Variants in STON2 observed in about 807,000 individuals in gnomAD.
STON2 encodes stonin-2.
STON2 carries 29 observed loss-of-function variants against 65.7 expected under a neutral mutation model. That is an observed-to-expected ratio of 0.44 (90% confidence interval 0.33 to 0.60). STON2 has a LOEUF of 0.60. Among genes scored for constraint, STON2 ranks in the 20% least tolerant of loss-of-function variants. STON2 has a pLI of 0.03. For missense variants in STON2, 1,054 were observed against 1,118.1 expected (o/e 0.94, Z 0.82); for synonymous variants, 404 against 414.2 (o/e 0.98, Z 0.30).
chr14:81,367,859 A>T (rs1329917806), intron 4 of STON2, among the ~76,000 whole-genome samples: 1 of 152,210 alleles, frequency 6.6e-6, no homozygotes, highest in African/African-American at 2.4e-5. Context: ...AGCAGATGGA[A>T]GCATTCCCTA....
At position 81,371,190 on chromosome 14, in the gene STON2, G is replaced by A. The variant is rs1898975144; in HGVS notation, c.374-5C>T. The A allele has an allele frequency of 6.2e-7, 1 of 1,613,156 alleles. No homozygotes were observed. The highest frequency in any genetic ancestry group is 8.5e-7 in the Non-Finnish European group (1 of 1,179,762). On this transcript the variant is annotated splice_region_variant and splice_polypyrimidine_tract_variant and intron_variant, in intron 3 of 7. Coordinates refer to ENST00000614646, the MANE Select transcript of STON2 (RefSeq NM_001394390.1). ...AGGGCATGGTCAATGGTAGGGCTGGGGAGAGACCAAAAACCAAAAGCATAC... is the reference window on the plus strand; with the variant it reads ...AGGGCATGGTCAATGGTAGGGCTGGAGAGAGACCAAAAACCAAAAGCATAC...
chr14:81,356,064 G>A (rs1472925611), intron 4 of STON2, among the ~76,000 whole-genome samples: 3 of 152,180 alleles, frequency 2.0e-5, no homozygotes, highest in South Asian at 2.1e-4. Flanking sequence ...AGTGGTGAGA[G>A]AGGGCATTCC....
chr14:81,426,557 A>C (rs1901984261), intron 2 of STON2, among the ~76,000 whole-genome samples: 1 of 151,522 alleles, frequency 6.6e-6, no homozygotes, highest in Non-Finnish European at 1.5e-5. Context: ...ATCTAACAAG[A>C]CTCTCACACT....
intron 5 of STON2, among the ~76,000 whole-genome samples, chr14:81,300,426 T>A (rs947570911): frequency 1.3e-5 from 2 of 151,800 alleles, no homozygotes; most frequent in Admixed American, 1.3e-4. Context: ...AAAGAAAAAA[T>A]ATAAATAAAT....
intron 5 of STON2, among the ~76,000 whole-genome samples, chr14:81,284,958 G>C (rs539736271): frequency 1.3e-5 from 2 of 152,334 alleles, no homozygotes; most frequent in East Asian, 3.9e-4. Context: ...AGGAATTACT[G>C]AATATTGTAA....
intron 5 of STON2, among the ~76,000 whole-genome samples, chr14:81,285,814 G>A (rs1301526215): frequency 6.6e-6 from 1 of 152,000 alleles, no homozygotes; most frequent in Non-Finnish European, 1.5e-5. Context: ...CATGTAATAT[G>A]CCCATGTAAC....
At chr14:81,429,153 A>T (rs1394322002) in intron 1 of STON2, among the ~76,000 whole-genome samples, 1 of 152,250 alleles carries the variant, frequency 6.6e-6, no homozygotes, top group East Asian at 1.9e-4. Context: ...GGGGCATAAT[A>T]TGAGTAGGAG....
In STON2 at chr14:81,263,050, G is replaced by A. The variant is rs1894212848; in HGVS notation, c.*5364C>T. 6.1e-6 allele frequency: 6 copies of A among 985,174 alleles called. No individual in the cohort carries two copies. The highest frequency in any genetic ancestry group is 7.2e-6 in the Non-Finnish European group (6 of 829,862). The allele number at this position is 985,174 out of a possible 1,614,324, so 61.0% of individuals were successfully genotyped here. ...GTAAAGGGTCGTCATGGTTTGAATGGGACTTAGTAGTAAAGTGTGTGAGAC... is the reference window on the plus strand; with the variant it reads ...GTAAAGGGTCGTCATGGTTTGAATGAGACTTAGTAGTAAAGTGTGTGAGAC... On this transcript the variant is annotated 3_prime_UTR_variant, in exon 8 of 8. Transcript: ENST00000614646.
In STON2 at chr14:81,268,429, C is replaced by G. The variant is rs1314834389; in HGVS notation, c.2853G>C (p.Glu951Asp). Reference sequence around the variant, plus strand: ...CAAGGCTTTGTCACTGCACTCCACACTCCTTGGGATTTTCCATTTCATCTC... The same window carrying G: ...CAAGGCTTTGTCACTGCACTCCACAGTCCTTGGGATTTTCCATTTCATCTC... Reference protein sequence around the residue: ...FEGDEMENPKECGVQ With the variant: ...FEGDEMENPKDCGVQ The change falls in exon 8 of 8, where the codon GAG (glutamate) becomes GAC (aspartate). Residue 951 changes from glutamate (E) to aspartate (D), a missense_variant. Glu to Asp is a conservative substitution (Grantham distance 45). Transcript: ENST00000614646. The G allele has an allele frequency of 6.2e-6, 8 of 1,289,532 alleles. No individual in the cohort carries two copies. In the East Asian group the frequency reaches 4.4e-4, roughly 71 times the overall value. 79.9% of individuals were successfully genotyped at this position (1,289,532 alleles called of 1,614,324 possible).
intron 4 of STON2, among the ~76,000 whole-genome samples, chr14:81,348,370 A>G (rs770558067): frequency 7.9e-4 from 121 of 152,240 alleles, no homozygotes; most frequent in Non-Finnish European, 1.5e-3. Context: ...ACCTGAAAAT[A>G]CCACTGAAAA....
At chr14:81,364,850 C>T (rs977849507) in intron 4 of STON2, among the ~76,000 whole-genome samples, 2 of 152,024 alleles carry the variant, frequency 1.3e-5, no homozygotes, top group Non-Finnish European at 2.9e-5. Context: ...GGGATGCAGA[C>T]GATTTTAGCC....
chr14:81,407,714 T>G (rs1900939015), intron 2 of STON2, among the ~76,000 whole-genome samples: 1 of 152,042 alleles, frequency 6.6e-6, no homozygotes, highest in South Asian at 2.1e-4. Flanking sequence ...CATCTAAAGG[T>G]CAAATCAAAA....
At chr14:81,282,853 G>GGACTGGAAACA (rs1895180577) in intron 5 of STON2, among the ~76,000 whole-genome samples, 1 of 152,104 alleles carries the variant, frequency 6.6e-6, no homozygotes, top group African/African-American at 2.4e-5. Flanking sequence ...GGTGTGGCTG[G>GGACTGGAAACA]GACTGGAAAC....
At chr14:81,402,993 T>C (rs979220687), upstream of STON2, among the ~76,000 whole-genome samples, 3 of 152,216 alleles carry the variant, frequency 2.0e-5, no homozygotes, top group African/African-American at 7.2e-5. Flanking sequence ...GCATAGTGCC[T>C]GGCACAGGTT....
intron 4 of STON2, among the ~76,000 whole-genome samples, chr14:81,342,038 G>C (rs569903759): frequency 6.6e-6 from 1 of 152,138 alleles, no homozygotes; most frequent in Non-Finnish European, 1.5e-5. Flanking sequence ...CATAATACAT[G>C]TTTAAGCATT....
chr14:81,395,773 G>T (rs1595439452), intron 3 of STON2, 121 bp downstream of exon 3: 2 of 988,126 alleles, frequency 2.0e-6, no homozygotes, highest in East Asian at 4.8e-5. Context: ...TCTCCCCTAT[G>T]CGACCAGTGC....
At chr14:81,422,966 C>A (rs925704257) in intron 2 of STON2, among the ~76,000 whole-genome samples, 34 of 151,376 alleles carry the variant, frequency 2.2e-4, no homozygotes, top group African/African-American at 7.5e-4. Flanking sequence ...ACCCTGGAGG[C>A]GGAGGTTGCA....
intron 4 of STON2, among the ~76,000 whole-genome samples, chr14:81,338,430 C>A (rs995964502): frequency 3.3e-5 from 5 of 152,100 alleles, no homozygotes; most frequent in Non-Finnish European, 5.9e-5. Context: ...AGCTCTGGGC[C>A]CCTTTCCACA....
chr14:81,367,228 G>C (rs147993027), intron 4 of STON2, among the ~76,000 whole-genome samples: 202 of 152,228 alleles, frequency 1.3e-3, no homozygotes, highest in African/African-American at 4.4e-3. Flanking sequence ...AGCCAGGCTG[G>C]AGTGCGGTGG....
Sources: allele counts gnomAD v4.1 joint callset (sites outside exome capture counted in the v4.1 genomes callset), GRCh38; gene constraint gnomAD v4.1.1; transcripts MANE v1.5; gene names NCBI Gene and HGNC (gene_info 2026-07-23, HGNC 2026-07-21).